WDR91: variants seen among roughly 807,000 people sequenced by gnomAD.
The protein encoded by WDR91 is WD repeat-containing protein 91.
In WDR91, 52 loss-of-function variants were observed where a neutral mutation model predicts 88.4. The observed-to-expected ratio is 0.59, with a 90% confidence interval of 0.47 to 0.74. The LOEUF (loss-of-function observed/expected upper bound fraction) is 0.74, where lower values mean the gene tolerates loss of function less well. WDR91 is among the 30% of genes least tolerant of loss of function. The pLI, the probability that WDR91 is intolerant of heterozygous loss-of-function variation, is 0.00. For synonymous variants in WDR91, 362 were observed against 389.5 expected (o/e 0.93, Z 0.83); for missense variants, 824 against 954.5 (o/e 0.86, Z 1.80).
intron 6 of WDR91, among the ~76,000 whole-genome samples, chr7:135,202,687 C>T (rs1329263389): frequency 6.6e-6 from 1 of 152,186 alleles, no homozygotes; most frequent in East Asian, 1.9e-4. Flanking sequence ...TAATTTCAAG[C>T]TCATTTCAAA....
chr7:135,189,215 G>A, intron 12 of WDR91, 129 bp downstream of exon 12: 2 of 696,756 alleles, frequency 2.9e-6, no homozygotes, highest in East Asian at 2.7e-5. Flanking sequence ...TTAAGCTGTA[G>A]TACATGCATC....
Position 135,209,731 on chromosome 7 carries a change from G to A in WDR91, c.148C>T (p.Gln50Ter). 3.7e-6 allele frequency: 6 copies of A among 1,605,592 alleles called. No individual in the cohort carries two copies. Among genetic ancestry groups the A allele is most frequent in the Non-Finnish European group, 5.1e-6 (6 of 1,175,872 alleles). The change falls in exon 2 of 15, where the codon CAG (glutamine) becomes TAG (stop). Residue 50 changes from glutamine (Q) to a stop codon, truncating the protein, a stop_gained. Transcript: ENST00000354475. LOFTEE classifies it high-confidence loss of function. Reference protein sequence around the residue: ...FRVDKIVDQLQQLMQVYDLAA... With the variant: ...FRVDKIVDQL ...AAGTCATACACCTGCATTAACTGCT[G>A]CAGCTGGTCCACAATCTTATCCACC... is the stretch of plus-strand genomic sequence containing the variant.
At chr7:135,198,555 G>A in intron 6 of WDR91, 1 of 162,086 alleles carries the variant, frequency 6.2e-6, no homozygotes, top group East Asian at 1.8e-4. Context: ...AATTATTTAT[G>A]CAACAAGCAA....
At chr7:135,207,050 C>T (rs781125187) in intron 4 of WDR91, 70 bp downstream of exon 4, 15 of 1,343,392 alleles carry the variant, frequency 1.1e-5, no homozygotes, top group Non-Finnish European at 1.6e-5. Flanking sequence ...TAGTGTTCCA[C>T]TGCCACTACC....
At chr7:135,210,177 C>G (rs1468201486) in intron 1 of WDR91, among the ~76,000 whole-genome samples, 1 of 152,100 alleles carries the variant, frequency 6.6e-6, no homozygotes, top group East Asian at 1.9e-4. Context: ...TGGTGAAACC[C>G]CGACTCTACT....
intron 14 of WDR91, 72 bp from the exon 15 acceptor site, chr7:135,186,387 G>T: frequency 2.0e-6 from 3 of 1,509,338 alleles, no homozygotes; most frequent in Non-Finnish European, 2.7e-6. Flanking sequence ...ACTTTCAGTG[G>T]CCTACCTGAG....
intron 13 of WDR91, 93 bp from the exon 14 acceptor site, chr7:135,187,262 G>T: frequency 7.5e-7 from 1 of 1,327,934 alleles, no homozygotes; most frequent in Non-Finnish European, 1.0e-6. Context: ...AGCAGAGGCT[G>T]GCGAGGGCGA....
At chr7:135,189,607 G>A (rs1179740461) in intron 11 of WDR91, among the ~76,000 whole-genome samples, 155 bp from the exon 12 acceptor site, 1 of 152,064 alleles carries the variant, frequency 6.6e-6, no homozygotes, top group Non-Finnish European at 1.5e-5. Context: ...CCAAAGTGCT[G>A]TGCCAGTGAC....
chr7:135,186,324 G>C lies in WDR91; in HGVS notation c.2080-9C>G. The C allele has an allele frequency of 6.2e-7, 1 of 1,610,028 alleles. No individual in the cohort carries two copies. The highest frequency in any genetic ancestry group is 8.5e-7 in the Non-Finnish European group (1 of 1,178,500). On this transcript the variant is annotated splice_polypyrimidine_tract_variant and intron_variant, in intron 14 of 14. Transcript: ENST00000354475. ...TTCTCATCGCCACCCAGCTGCAAGA[G>C]GACAGGAAAGAGGAGGAGGTGTCAG...
At position 135,203,759 on chromosome 7, in the gene WDR91, G is replaced by A. The variant is rs200747465; in HGVS notation, c.891+509C>T. ...TCATAGGAAATTTATGAGAAAAGAG[G>A]GGAGACTCTTCAAAGCCTACTTCCT... On this transcript the variant is annotated intron_variant, in intron 6 of 14. Coordinates refer to ENST00000354475, the MANE Select transcript of WDR91 (RefSeq NM_014149.4). Among the ~76,000 whole-genome samples the A allele has an allele frequency of 0.013, 1,974 of 152,274 alleles. 135 individuals carry two copies. The East Asian group carries it at 0.21, about 16-fold the overall frequency.
Position 135,209,039 on chromosome 7 carries a change from A to C in WDR91, c.304-41T>G, listed in dbSNP as rs771122275. The C allele has an allele frequency of 5.7e-6, 9 of 1,576,810 alleles. No homozygotes were observed. The South Asian group carries it at 9.1e-5, about 16-fold the overall frequency. On this transcript the variant is annotated intron_variant, in intron 2 of 14. Transcript: ENST00000354475. ...GAGGTAGCAAGGAGGGAGGAGAGAC[A>C]GAAATCCAGAGGTAAGACTCTTCAT...
chr7:135,189,323 G>A (rs1410772177), intron 12 of WDR91, 21 bp downstream of exon 12: 4 of 1,603,570 alleles, frequency 2.5e-6, no homozygotes, highest in Non-Finnish European at 2.6e-6. Flanking sequence ...ATCAAGGATT[G>A]CTATGAGCAC....
At chr7:135,192,676 T>C (rs1585410132) in intron 11 of WDR91, among the ~76,000 whole-genome samples, 1 of 152,218 alleles carries the variant, frequency 6.6e-6, no homozygotes, top group East Asian at 1.9e-4. Flanking sequence ...GTGTTCAACA[T>C]AAAGGCCATA....
intron 13 of WDR91, among the ~76,000 whole-genome samples, chr7:135,187,770 C>A (rs562048225): frequency 6.6e-6 from 1 of 152,296 alleles, no homozygotes; most frequent in African/African-American, 2.4e-5. Context: ...ACTGAGCATC[C>A]CACATAACAA....
chr7:135,194,803 G>A, intron 9 of WDR91, 131 bp downstream of exon 9: 1 of 1,266,738 alleles, frequency 7.9e-7, no homozygotes, highest in East Asian at 2.4e-5. Flanking sequence ...CTGGATGTGT[G>A]TCCCTGAATC....
At chr7:135,202,889 G>A (rs950838903) in intron 6 of WDR91, among the ~76,000 whole-genome samples, 1 of 152,164 alleles carries the variant, frequency 6.6e-6, no homozygotes, top group African/African-American at 2.4e-5. Context: ...CCTCATGGCA[G>A]CTAAATTACA....
chr7:135,188,755 G>A (rs534155476), intron 12 of WDR91, among the ~76,000 whole-genome samples: 2 of 152,298 alleles, frequency 1.3e-5, no homozygotes, highest in South Asian at 4.1e-4. Context: ...TCTTTCACCA[G>A]GTCAGAAGTG....
Position 135,205,968 on chromosome 7 carries a change from G to A in WDR91, c.685C>T (p.Pro229Ser). ...EEALVQHKLP[P>S]YVSNMDRLGD... ...AGGCGGTCCATGTTGGAGACATAAG[G>A]AGGCAATTTGTGTTGGACCAAGGCC... Residue 229 changes from proline to serine, a missense_variant, in exon 5 of 15, where the codon CCT becomes TCT. Transcript: ENST00000354475. 1 of 1,614,126 alleles carries A rather than the reference G, an allele frequency of 6.2e-7. No individual in the cohort carries two copies. Among genetic ancestry groups the A allele is most frequent in the Non-Finnish European group, 8.5e-7 (1 of 1,180,038 alleles).
rs974637219 is a variant in WDR91, at chr7:135,189,359, C to T, written c.1753G>A (p.Val585Ile). 1.7e-5 allele frequency: 28 copies of T among 1,613,556 alleles called. No homozygotes were observed. The highest frequency in any genetic ancestry group is 1.2e-4 in the Admixed American group (7 of 59,984). The change falls in exon 12 of 15, where the codon GTC (valine) becomes ATC (isoleucine). Residue 585 changes from valine (V) to isoleucine (I), a missense_variant. Transcript: ENST00000354475. ...ACTTGCATACCAAACAGCCGGATGA[C>T]GCCATCAGCTGCCCCTGTGACCAGC... ...NLLVTGAADG[V>I]IRLFDMQQHE... is the part of the protein sequence containing the mutation.
Sources: allele counts gnomAD v4.1 joint callset (sites outside exome capture counted in the v4.1 genomes callset), GRCh38; gene constraint gnomAD v4.1.1; transcripts MANE v1.5; gene names NCBI Gene and HGNC (gene_info 2026-07-23, HGNC 2026-07-21).